The following GNAO1 variants were observed in gnomAD, a reference collection of about 807,000 sequenced individuals.
The protein encoded by GNAO1 is G protein subunit alpha o1, also known as guanine nucleotide-binding protein G(o) subunit alpha.
For synonymous variants in GNAO1, 164 were observed against 180.7 expected (o/e 0.91, Z 0.74); for missense variants, 166 against 478.7 (o/e 0.35, Z 6.10).
intron 2 of GNAO1, among the ~76,000 whole-genome samples, chr16:56,235,795 G>A (rs1466720215): frequency 6.6e-6 from 1 of 152,176 alleles, no homozygotes; most frequent in Non-Finnish European, 1.5e-5. Context: ...GGATTAAGAT[G>A]AATATGCATG....
At chr16:56,201,527 C>A (rs945595610) in intron 2 of GNAO1, among the ~76,000 whole-genome samples, 15 of 152,196 alleles carry the variant, frequency 9.9e-5, no homozygotes, top group African/African-American at 3.6e-4. Context: ...GGCATTAGAT[C>A]ACCTACGTAG....
rs1040449920 is a variant in GNAO1 at position 56,247,503 on chromosome 16, T to C, written c.162-28428T>C. ...TGAGGTTTTTTTTTTTTTTTTTTTT[T>C]CATTTCTAATCTCACATACTGGATT... On this transcript the variant is annotated intron_variant, in intron 2 of 8. Transcript: ENST00000262493. Among the ~76,000 whole-genome samples the C allele has an allele frequency of 9.3e-5, 13 of 139,490 alleles. No homozygotes were observed. The East Asian group carries it at 2.3e-3, about 24-fold the overall frequency. The allele number at this position is 139,490 out of a possible 152,430, so 91.5% of individuals were successfully genotyped here. A position where few individuals can be genotyped will look rare whatever the true frequency, so the allele number is the denominator to read the frequency against.
intron 2 of GNAO1, among the ~76,000 whole-genome samples, chr16:56,230,944 C>T (rs531944418): frequency 2.0e-5 from 3 of 152,156 alleles, no homozygotes; most frequent in Non-Finnish European, 4.4e-5. Flanking sequence ...CCTCTCAGCC[C>T]GGGTCTGTGG....
rs1489865329 is a variant in GNAO1, at chr16:56,337,808, A to G, written c.723+948A>G. ...ACTGCGTGGTCCCCTTCTGGGCTGC[A>G]GCCCGCCAGGCACCGAGCATGGCCC... On this transcript the variant is annotated intron_variant, in intron 6 of 8. Coordinates refer to ENST00000262493, the MANE Select transcript of GNAO1 (RefSeq NM_020988.3). Among the ~76,000 whole-genome samples, 24 of 152,156 alleles carry G rather than the reference A, an allele frequency of 1.6e-4. 1 individual carries two copies. The highest frequency in any genetic ancestry group is 1.6e-3 in the Admixed American group (24 of 15,278).
At chr16:56,340,519 C>T in intron 6 of GNAO1, 1 of 355,864 alleles carries the variant, frequency 2.8e-6, no homozygotes, top group East Asian at 5.0e-5. Flanking sequence ...TGGTGCATGT[C>T]CTCTCCGTGA....
At chr16:56,240,274 T>A (rs190629343) in intron 2 of GNAO1, among the ~76,000 whole-genome samples, 95 of 152,304 alleles carry the variant, frequency 6.2e-4, no homozygotes, top group Middle Eastern at 3.4e-3. Context: ...CACCATTCCC[T>A]GGAATGTGCT....
chr16:56,263,204 T>C (rs747486490), intron 2 of GNAO1, among the ~76,000 whole-genome samples: 1 of 152,208 alleles, frequency 6.6e-6, no homozygotes, highest in Non-Finnish European at 1.5e-5. Context: ...GAGTGGGGGA[T>C]GGTGGAGAGA....
At chr16:56,215,513 G>A (rs2036429741) in intron 2 of GNAO1, among the ~76,000 whole-genome samples, 1 of 152,162 alleles carries the variant, frequency 6.6e-6, no homozygotes, top group African/African-American at 2.4e-5. Flanking sequence ...CTAGGTTTGA[G>A]GATGATATGA....
chr16:56,339,982 C>A (rs1359761900), intron 6 of GNAO1, among the ~76,000 whole-genome samples: 1 of 152,362 alleles, frequency 6.6e-6, no homozygotes, highest in Non-Finnish European at 1.5e-5. Context: ...GCTCATCCCA[C>A]CCATCCTGCA....
At chr16:56,344,572 A>T in intron 6 of GNAO1, 6 of 985,966 alleles carry the variant, frequency 6.1e-6, no homozygotes, top group Non-Finnish European at 7.2e-6. Context: ...GAGAACTCCC[A>T]TCCCTGACTC....
chr16:56,203,275 C>T (rs1299510662), intron 2 of GNAO1, among the ~76,000 whole-genome samples: 1 of 152,044 alleles, frequency 6.6e-6, no homozygotes, highest in African/African-American at 2.4e-5. Context: ...GTTCATGACT[C>T]AGGCCTTGCC....
At chr16:56,247,704 C>G (rs1226608629) in intron 2 of GNAO1, among the ~76,000 whole-genome samples, 1 of 152,116 alleles carries the variant, frequency 6.6e-6, no homozygotes, top group East Asian at 1.9e-4. Flanking sequence ...GCACTTGTCT[C>G]CCGAGGGAGA....
intron 2 of GNAO1, among the ~76,000 whole-genome samples, chr16:56,231,353 C>T (rs1454115325): frequency 2.0e-5 from 3 of 152,202 alleles, no homozygotes; most frequent in African/African-American, 7.2e-5. Context: ...TCCATGACAC[C>T]CTGTCTTAAA....
At chr16:56,276,195 T>C (rs1480005785) in intron 3 of GNAO1, 123 bp downstream of exon 3, 3 of 821,876 alleles carry the variant, frequency 3.7e-6, no homozygotes, top group Non-Finnish European at 3.7e-6. Context: ...GTTTGAAAGA[T>C]ATATGGTGGC....
At chr16:56,316,441 G>A (rs758543517) in intron 3 of GNAO1, among the ~76,000 whole-genome samples, 1 of 152,196 alleles carries the variant, frequency 6.6e-6, no homozygotes, top group Non-Finnish European at 1.5e-5. Flanking sequence ...GTGCCCACAG[G>A]TGGCTGTCCT....
chr16:56,234,061 C>A (rs188092689), intron 2 of GNAO1, among the ~76,000 whole-genome samples: 1 of 152,220 alleles, frequency 6.6e-6, no homozygotes, highest in Non-Finnish European at 1.5e-5. Context: ...GGTTGATTCA[C>A]TTCTTTCCTT....
intron 6 of GNAO1, among the ~76,000 whole-genome samples, chr16:56,341,931 A>G (rs2037808914): frequency 6.6e-6 from 1 of 152,216 alleles, no homozygotes; most frequent in Non-Finnish European, 1.5e-5. Flanking sequence ...AGGGGCAGAC[A>G]GAGTCCCAGT....
rs966272532 is a variant in GNAO1 at position 56,328,891 on chromosome 16, G to C, written c.464+100G>C. 13 of 1,243,334 alleles carry C rather than the reference G, an allele frequency of 1.0e-5. No homozygotes were observed. The East Asian group carries it at 1.9e-4, about 19-fold the overall frequency. The allele number at this position is 1,243,334 out of a possible 1,614,324, so 77.0% of individuals were successfully genotyped here. A position where few individuals can be genotyped will look rare whatever the true frequency, so the allele number is the denominator to read the frequency against. Reference sequence around the variant, plus strand: ...GGCAGAGCAAGGAGGATTCTCGGCTGAGGTCACGCCTGCCGGGAGATGTTC... The same window carrying C: ...GGCAGAGCAAGGAGGATTCTCGGCTCAGGTCACGCCTGCCGGGAGATGTTC... On this transcript the variant is annotated intron_variant, in intron 4 of 8. Coordinates refer to ENST00000262493, the MANE Select transcript of GNAO1 (RefSeq NM_020988.3).
At chr16:56,252,949 G>A (rs2036813316) in intron 2 of GNAO1, among the ~76,000 whole-genome samples, 1 of 152,120 alleles carries the variant, frequency 6.6e-6, no homozygotes, top group Non-Finnish European at 1.5e-5. Context: ...GTCCATGCTG[G>A]AGCCAGATTC....
Sources: allele counts gnomAD v4.1 joint callset (sites outside exome capture counted in the v4.1 genomes callset), GRCh38; gene constraint gnomAD v4.1.1; transcripts MANE v1.5; gene names NCBI Gene and HGNC (gene_info 2026-07-23, HGNC 2026-07-21).